The following VWA5B1 variants were observed in gnomAD, a reference collection of about 807,000 sequenced individuals.
VWA5B1 encodes von Willebrand factor A domain-containing protein 5B1.
Under a neutral mutation model 118.2 loss-of-function variants are expected in VWA5B1, and 115 were observed. The ratio of observed to expected loss-of-function variants is 0.97; its 90% CI spans 0.84 to 1.14. The LOEUF is 1.14. Ranked by LOEUF, VWA5B1 falls within the 50% of genes most tolerant of loss-of-function variation. VWA5B1 has a pLI of 0.00. For synonymous variants in VWA5B1, 682 were observed against 658.4 expected, an observed-to-expected ratio of 1.04 and a Z score of -0.55; for missense variants, 1,596 against 1,603.8, an observed-to-expected ratio of 1.00 and a Z score of 0.08.
rs562356842 is a variant in VWA5B1 at position 20,317,800 on chromosome 1, A to C, written c.709+125A>C. On this transcript the variant is annotated intron_variant, in intron 5 of 21. Coordinates refer to ENST00000289815, the MANE Select transcript of VWA5B1 (RefSeq NM_001039500.3). ...GATGGCAGACCTACTAAAGTACACA[A>C]AGCCTGTGGACCCCCATTTCCCATG... is the stretch of plus-strand genomic sequence containing the variant. 8.2e-6 allele frequency: 10 copies of C among 1,223,864 alleles called. No homozygotes were observed. The South Asian group carries it at 1.7e-4, about 21-fold the overall frequency. 75.8% of individuals were successfully genotyped at this position (1,223,864 alleles called of 1,614,324 possible).
At chr1:20,312,139 C>G (rs1027315261) in intron 2 of VWA5B1, among the ~76,000 whole-genome samples, 1 of 152,158 alleles carries the variant, frequency 6.6e-6, no homozygotes. Flanking sequence ...GATCCCCAGC[C>G]GCCAGCATTA....
chr1:20,331,963 A>G (rs1484189287), intron 11 of VWA5B1, among the ~76,000 whole-genome samples: 1 of 152,030 alleles, frequency 6.6e-6, no homozygotes, highest in East Asian at 1.9e-4. Flanking sequence ...CACCTACCAC[A>G]CCTAGCGCAT....
Sources: allele counts gnomAD v4.1 joint callset (sites outside exome capture counted in the v4.1 genomes callset), GRCh38; gene constraint gnomAD v4.1.1; transcripts MANE v1.5; gene names NCBI Gene and HGNC (gene_info 2026-07-23, HGNC 2026-07-21).